The following SRGAP1 variants were observed in gnomAD, a reference collection of about 807,000 sequenced individuals.
The protein encoded by SRGAP1 is SLIT-ROBO Rho GTPase-activating protein 1.
Under a neutral mutation model 121.9 loss-of-function variants are expected in SRGAP1, and 43 were observed. The ratio of observed to expected loss-of-function variants is 0.35; its 90% CI spans 0.28 to 0.46. The LOEUF is 0.46. Among genes scored for constraint, SRGAP1 ranks in the 20% least tolerant of loss-of-function variants. The pLI is 1.00. For synonymous variants in SRGAP1, 447 were observed against 485.4 expected, an observed-to-expected ratio of 0.92 and a Z score of 1.04; for missense variants, 1,102 against 1,350.9, an observed-to-expected ratio of 0.82 and a Z score of 2.89.
chr12:64,051,233 T>C (rs1243981879), intron 6 of SRGAP1, among the ~76,000 whole-genome samples: 4 of 152,344 alleles, frequency 2.6e-5, no homozygotes, highest in African/African-American at 9.6e-5. Flanking sequence ...CTACATCTTA[T>C]TTAGGCATAC....
intron 6 of SRGAP1, among the ~76,000 whole-genome samples, chr12:64,046,042 G>A (rs1257885177): frequency 1.3e-5 from 2 of 152,242 alleles, no homozygotes; most frequent in Admixed American, 1.3e-4. Flanking sequence ...TGATACCTGA[G>A]TAGAGGAGTG....
intron 1 of SRGAP1, among the ~76,000 whole-genome samples, chr12:63,929,598 G>A (rs1261951898): frequency 1.4e-5 from 2 of 144,118 alleles, no homozygotes; most frequent in East Asian, 2.1e-4. Flanking sequence ...TTTTAACTAT[G>A]TTTTCATGAG....
At position 63,984,114 on chromosome 12, in the gene SRGAP1, A is replaced by C; in HGVS notation, c.235A>C (p.Arg79=). The C allele has an allele frequency of 2.0e-6, 3 of 1,521,254 alleles. No homozygotes were observed. The highest frequency in any genetic ancestry group is 2.7e-6 in the Non-Finnish European group (3 of 1,123,148). 94.2% of individuals were successfully genotyped at this position (1,521,254 alleles called of 1,614,324 possible). A position where few individuals can be genotyped will look rare whatever the true frequency, so the allele number is the denominator to read the frequency against. Residue 79 remains arginine (R), a synonymous_variant, in exon 2 of 22, where the codon AGA becomes CGA. Coordinates refer to ENST00000355086, the MANE Select transcript of SRGAP1 (RefSeq NM_020762.4). The part of the protein sequence containing the change: ...KLAERFMAKT[R]STKDHQQYKK... Reference sequence around the variant, plus strand: ...AGCAGAAAGGTTCATGGCAAAAACAAGAAGCACTAAGGATCATCAACAATA... The same window carrying C: ...AGCAGAAAGGTTCATGGCAAAAACACGAAGCACTAAGGATCATCAACAATA...
At chr12:64,047,160 A>T (rs886917891) in intron 6 of SRGAP1, among the ~76,000 whole-genome samples, 14 of 152,238 alleles carry the variant, frequency 9.2e-5, no homozygotes, top group Non-Finnish European at 1.9e-4. Context: ...AACTTAAGAT[A>T]TTGGAAATAA....
chr12:63,969,264 G>A (rs2032870221), intron 1 of SRGAP1, among the ~76,000 whole-genome samples: 1 of 152,056 alleles, frequency 6.6e-6, no homozygotes, highest in South Asian at 2.1e-4. Flanking sequence ...GGATGAATCT[G>A]ATGGCAGATT....
intron 15 of SRGAP1, among the ~76,000 whole-genome samples, chr12:64,107,339 T>A (rs181071434): frequency 6.6e-6 from 1 of 152,194 alleles, no homozygotes; most frequent in African/African-American, 2.4e-5. Flanking sequence ...TCAGCATTTT[T>A]AATCTCCCCA....
At chr12:64,098,201 A>G (rs185965612) in intron 15 of SRGAP1, among the ~76,000 whole-genome samples, 2,147 of 152,062 alleles carry the variant, frequency 0.014, 27 homozygotes, top group Non-Finnish European at 0.024. Flanking sequence ...CTGCCCTCAA[A>G]AAAAACATCT....
intron 4 of SRGAP1, among the ~76,000 whole-genome samples, chr12:64,033,732 A>G (rs920257117): frequency 6.6e-6 from 1 of 151,970 alleles, no homozygotes; most frequent in African/African-American, 2.4e-5. Context: ...AAATAAATAA[A>G]TAAATAAGAC....
chr12:64,100,739 A>G (rs1281784734), intron 15 of SRGAP1, among the ~76,000 whole-genome samples: 1 of 152,066 alleles, frequency 6.6e-6, no homozygotes, highest in Non-Finnish European at 1.5e-5. Context: ...CCAACATGTA[A>G]CCTCTTAAGA....
chr12:64,132,260 G>A (rs2036796994), intron 21 of SRGAP1, among the ~76,000 whole-genome samples: 1 of 152,158 alleles, frequency 6.6e-6, no homozygotes, highest in Non-Finnish European at 1.5e-5. Context: ...TCACCTATGG[G>A]GGCCTGCCAA....
rs1218309256 is a variant in SRGAP1 at position 64,147,716 on chromosome 12, G to A, written c.*5044G>A. ...AAAAAATGTTTTGTTAATCTGTTGT[G>A]ACAATGCACTTTTATGTATAGTACT... is the stretch of plus-strand genomic sequence containing the variant. On this transcript the variant is annotated 3_prime_UTR_variant, in exon 22 of 22. Coordinates refer to ENST00000355086, the MANE Select transcript of SRGAP1 (RefSeq NM_020762.4). The A allele has an allele frequency of 2.5e-6, 1 of 398,406 alleles. No homozygotes were observed. The highest frequency in any genetic ancestry group is 2.1e-5 in the African/African-American group (1 of 48,598). The allele number at this position is 398,406 out of a possible 1,614,324, so 24.7% of individuals were successfully genotyped here. A position where few individuals can be genotyped will look rare whatever the true frequency, so the allele number is the denominator to read the frequency against.
chr12:63,869,504 A>G (rs1010555840), intron 1 of SRGAP1, among the ~76,000 whole-genome samples: 4 of 152,122 alleles, frequency 2.6e-5, no homozygotes, highest in Non-Finnish European at 2.9e-5. Context: ...TCCTTTCAAC[A>G]GGGCAGCACC....
intron 3 of SRGAP1, among the ~76,000 whole-genome samples, chr12:64,000,742 C>T (rs2033865904): frequency 6.6e-6 from 1 of 152,198 alleles, no homozygotes; most frequent in Non-Finnish European, 1.5e-5. Context: ...ACCCAAAGGA[C>T]AGGCAGAGGG....
At chr12:64,122,058 C>T (rs1473634440) in intron 18 of SRGAP1, among the ~76,000 whole-genome samples, 1 of 152,030 alleles carries the variant, frequency 6.6e-6, no homozygotes, top group Non-Finnish European at 1.5e-5. Context: ...GGTAACAGAT[C>T]TAGGAGGAAA....
At chr12:63,888,341 G>T (rs1328622729) in intron 1 of SRGAP1, 4 of 152,062 alleles carry the variant, frequency 2.6e-5, no homozygotes, top group Admixed American at 2.6e-4. Flanking sequence ...TAAGCTTATT[G>T]TATTTTTTCC....
Position 63,948,883 on chromosome 12 carries a change from C to CATAT in SRGAP1, c.68-35055_68-35052dup, listed in dbSNP as rs60933928. On this transcript the variant is annotated intron_variant, in intron 1 of 21. Transcript: ENST00000355086. Reference sequence around the variant, plus strand: ...ATATATATTCCATATATATATTTTCCATATATATATATTCCATATATATAT... The same window carrying CATAT: ...ATATATATTCCATATATATATTTTCCATATATATATATATATTCCATATATATAT... Among the ~76,000 whole-genome samples the CATAT allele has an allele frequency of 3.2e-4, 19 of 58,806 alleles. 2 individuals carry two copies. Among genetic ancestry groups the CATAT allele is most frequent in the Non-Finnish European group, 2.8e-4 (8 of 28,688 alleles). 38.6% of individuals were successfully genotyped at this position (58,806 alleles called of 152,430 possible). A position where few individuals can be genotyped will look rare whatever the true frequency, so the allele number is the denominator to read the frequency against.
chr12:63,882,233 C>T (rs966994737), intron 1 of SRGAP1, among the ~76,000 whole-genome samples: 12 of 152,042 alleles, frequency 7.9e-5, no homozygotes, highest in African/African-American at 2.7e-4. Context: ...GCTCTTTTTC[C>T]CTTTACTATC....
chr12:63,871,114 C>T (rs184550271), intron 1 of SRGAP1, among the ~76,000 whole-genome samples: 4 of 152,178 alleles, frequency 2.6e-5, no homozygotes, highest in Admixed American at 1.3e-4. Flanking sequence ...GAACTACTGC[C>T]GTAAAAATCA....
At chr12:63,937,412 C>T (rs1303058754) in intron 1 of SRGAP1, among the ~76,000 whole-genome samples, 2 of 152,066 alleles carry the variant, frequency 1.3e-5, no homozygotes. Context: ...AAGGGAAAAC[C>T]AGAAACCCCA....
Sources: allele counts gnomAD v4.1 joint callset (sites outside exome capture counted in the v4.1 genomes callset), GRCh38; gene constraint gnomAD v4.1.1; transcripts MANE v1.5; gene names NCBI Gene and HGNC (gene_info 2026-07-23, HGNC 2026-07-21).